ZAN: variants seen among roughly 807,000 people sequenced by gnomAD.
The protein encoded by ZAN is zonadhesin (gene/pseudogene).
Under a neutral mutation model 286.2 loss-of-function variants are expected in ZAN, and 260 were observed. The ratio of observed to expected loss-of-function variants is 0.91; its 90% CI spans 0.82 to 1.01. ZAN has a LOEUF of 1.01. Among genes scored for constraint, ZAN ranks in the 50% least tolerant of loss-of-function variants. ZAN has a pLI of 0.00. For synonymous variants in ZAN, 1,368 were observed against 1,417.5 expected (o/e 0.97, Z 0.79); for missense variants, 3,410 against 3,639.2 (o/e 0.94, Z 1.62).
intron 14 of ZAN, among the ~76,000 whole-genome samples, chr7:100,753,973 C>T (rs145369881): frequency 0.018 from 2,784 of 152,178 alleles, 59 homozygotes; most frequent in Non-Finnish European, 0.027. Context: ...GCAGCCACTC[C>T]CCACTCCGCC....
chr7:100,795,481 A>T, intron 45 of ZAN, 145 bp downstream of exon 45: 1 of 792,350 alleles, frequency 1.3e-6, no homozygotes, highest in Non-Finnish European at 1.6e-6. Flanking sequence ...TAAACATAAC[A>T]ATTTGTAGCT....
At position 100,763,442 on chromosome 7, in the gene ZAN, G is replaced by A. The variant is rs1809730421; in HGVS notation, c.3987-364G>A. On this transcript the variant is annotated intron_variant, in intron 20 of 47. Coordinates refer to ENST00000613979, the MANE Select transcript of ZAN (RefSeq NM_003386.3). This position sits in a 1 kb window ranked among gnomAD's most constrained non-coding sequence, Gnocchi z 4.6. Reference sequence around the variant, plus strand: ...GCTGGAGTGCAGTGGTTCAATCACAGCTCACTGCAGGCTCCAACTCCTGGG... The same window carrying A: ...GCTGGAGTGCAGTGGTTCAATCACAACTCACTGCAGGCTCCAACTCCTGGG... Among the ~76,000 whole-genome samples, 1 of 152,172 alleles carries A rather than the reference G, an allele frequency of 6.6e-6. No individual in the cohort carries two copies. Among genetic ancestry groups the A allele is most frequent in the Non-Finnish European group, 1.5e-5 (1 of 68,036 alleles).
intron 11 of ZAN, among the ~76,000 whole-genome samples, chr7:100,748,734 C>T (rs1298440659): frequency 2.5e-4 from 38 of 152,152 alleles, no homozygotes; most frequent in Non-Finnish European, 2.9e-5. Flanking sequence ...CCCACCACCT[C>T]ATTTTCAGTC....
intron 35 of ZAN, among the ~76,000 whole-genome samples, chr7:100,783,817 CAT>C (rs71837847): frequency 0.53 from 39,063 of 73,960 alleles, 14,582 homozygotes; most frequent in Middle Eastern, 0.81. Context: ...TATATATATA[CAT>C]ATATATATAT....
At chr7:100,755,521 C>A in intron 15 of ZAN, 111 bp downstream of exon 15, 1 of 1,271,238 alleles carries the variant, frequency 7.9e-7, no homozygotes, top group Non-Finnish European at 1.1e-6. Flanking sequence ...CGGATAGTCC[C>A]AAGGGGTCAG....
intron 17 of ZAN, 77 bp from the exon 18 acceptor site, chr7:100,759,644 G>T: frequency 2.1e-6 from 3 of 1,456,896 alleles, no homozygotes; most frequent in Non-Finnish European, 1.8e-6. Flanking sequence ...TCCCTGCGGC[G>T]CCAGGCTCAG....
At chr7:100,774,049 C>T (rs1247113027) in intron 31 of ZAN, among the ~76,000 whole-genome samples, 184 bp downstream of exon 31, 1 of 150,746 alleles carries the variant, frequency 6.6e-6, no homozygotes, top group African/African-American at 2.5e-5. Flanking sequence ...TGGGGCTCAC[C>T]CATCCTTCTC....
chr7:100,787,927 C>A lies in ZAN; in HGVS notation c.7018C>A (p.Leu2340Ile). Reference sequence around the variant, plus strand: ...CTCAGTCTATGGCGACCCCCGTTACCTCACATTTGACGGCTTCAGCTACCG... The same window carrying A: ...CTCAGTCTATGGCGACCCCCGTTACATCACATTTGACGGCTTCAGCTACCG... ...QCSVYGDPRY[L>I]TFDGFSYRLQ... Residue 2340 changes from leucine (L) to isoleucine (I), a missense_variant, in exon 38 of 48, where the codon CTC becomes ATC. Transcript: ENST00000613979. The A allele has an allele frequency of 6.3e-7, 1 of 1,575,690 alleles. No individual in the cohort carries two copies. Among genetic ancestry groups the A allele is most frequent in the Non-Finnish European group, 8.7e-7 (1 of 1,154,084 alleles).
chr7:100,764,063 C>A lies in ZAN; in HGVS notation c.4134C>A (p.Phe1378Leu), dbSNP rs377380617. Residue 1378 changes from phenylalanine (F) to leucine (L), a missense_variant, in exon 22 of 48, where the codon TTC becomes TTA. Around this residue, in one of 7 missense-constraint regions of ZAN, gnomAD observed 1,042 missense variants for 1,058.0 expected, o/e 0.98. Transcript: ENST00000613979. ...TGCACGTGAAGGCCGCTTCCTTCTT[C>A]GACAGCTGCATGCTTGATATGTGCG... ...CLLHVKAASF[F>L]DSCMLDMCGF... 1 of 1,613,872 alleles carries A rather than the reference C, an allele frequency of 6.2e-7. No individual in the cohort carries two copies. Among genetic ancestry groups the A allele is most frequent in the Non-Finnish European group, 8.5e-7 (1 of 1,179,848 alleles).
In ZAN at chr7:100,752,520, T is replaced by G. The variant is rs1371138262; in HGVS notation, c.2415T>G (p.Thr805=). Residue 805 remains threonine, a synonymous_variant, in exon 14 of 48, where the codon ACT becomes ACG. Transcript: ENST00000613979. ...TISTEEPTTP[T]EETTISTEKP... is the part of the protein sequence containing the mutation. ...CCACAGAAGAGCCCACCACCCCCAC[T>G]GAGGAGACCACCATCTCCACAGAAA... 1 of 1,578,660 alleles carries G rather than the reference T, an allele frequency of 6.3e-7. No homozygotes were observed. Among genetic ancestry groups the G allele is most frequent in the South Asian group, 1.1e-5 (1 of 89,858 alleles).
At chr7:100,755,121 C>A in intron 14 of ZAN, 105 bp from the exon 15 acceptor site, 1 of 1,337,188 alleles carries the variant, frequency 7.5e-7, no homozygotes, top group Non-Finnish European at 1.0e-6. Flanking sequence ...ATAATATGGT[C>A]CTGTTTCCTA....
Position 100,734,178 on chromosome 7 carries a change from C to A in ZAN, c.10C>A (p.Pro4Thr), listed in dbSNP as rs1423655701. 6.9e-7 allele frequency: 1 copy of A among 1,458,880 alleles called. No homozygotes were observed. Among genetic ancestry groups the A allele is most frequent in the South Asian group, 1.2e-5 (1 of 82,132 alleles). 90.4% of individuals were successfully genotyped at this position (1,458,880 alleles called of 1,614,324 possible). The change falls in exon 2 of 48, where the codon CCA becomes ACA. Residue 4 changes from proline to threonine, a missense_variant. Pro to Thr is a conservative substitution (Grantham distance 38, BLOSUM62 -1). This residue lies in a region of ZAN where 872 missense variants were observed against 938.9 expected (regional missense o/e 0.93). Transcript: ENST00000613979. Reference sequence around the variant, plus strand: ...ACCACTTAGGGTCCTCATGGTTCCTCCAGTCTGGACTCTGCTGCTTCTGGT... The same window carrying A: ...ACCACTTAGGGTCCTCATGGTTCCTACAGTCTGGACTCTGCTGCTTCTGGT... MVP[P>T]VWTLLLLVGA...
chr7:100,767,787 G>A, intron 25 of ZAN, 44 bp from the exon 26 acceptor site: 3 of 1,583,208 alleles, frequency 1.9e-6, no homozygotes, highest in Non-Finnish European at 2.6e-6. Context: ...TTTATCCCGA[G>A]TTCTTTCCTG....
chr7:100,784,798 G>A lies in ZAN; in HGVS notation c.6798G>A (p.Gln2266=), dbSNP rs376995298. The A allele has an allele frequency of 1.2e-5, 20 of 1,609,322 alleles. No individual in the cohort carries two copies. Among genetic ancestry groups the A allele is most frequent in the Middle Eastern group, 3.3e-4 (2 of 6,046 alleles). Residue 2266 remains glutamine (Q), a synonymous_variant, in exon 36 of 48, where the codon CAG becomes CAA. Transcript: ENST00000613979. ...LSEDKCVPRS[Q]CGCKDAHGGS... ...AAGACAAGTGTGTCCCCAGAAGTCA[G>A]TGTGGCTGCAAGGATGCCCATGGTG...
chr7:100,785,567 G>C (rs1296245779), intron 36 of ZAN, among the ~76,000 whole-genome samples: 5 of 152,028 alleles, frequency 3.3e-5, no homozygotes, highest in Admixed American at 3.3e-4. Context: ...ATGACACTGT[G>C]GCTGCCTCTG....
chr7:100,791,252 C>T (rs1811936794), intron 40 of ZAN, 139 bp downstream of exon 40: 1 of 1,145,782 alleles, frequency 8.7e-7, no homozygotes, highest in South Asian at 1.6e-5. Flanking sequence ...CCAATTCCGT[C>T]ATTCCCTCTC....
intron 10 of ZAN, 41 bp downstream of exon 10, chr7:100,748,256 G>T (rs375888790): frequency 1.9e-6 from 3 of 1,613,744 alleles, no homozygotes; most frequent in African/African-American, 2.7e-5. Flanking sequence ...CTCAGAATCC[G>T]GGGTGGGCTG....
chr7:100,781,048 GTTTAT>G (rs979656630), intron 35 of ZAN, among the ~76,000 whole-genome samples: 6 of 151,926 alleles, frequency 3.9e-5, no homozygotes, highest in Non-Finnish European at 5.9e-5. Context: ...TCATAAGAAG[GTTTAT>G]TTTATTTATT....
chr7:100,765,994 G>T (rs113659265), intron 23 of ZAN, among the ~76,000 whole-genome samples: 42,408 of 140,766 alleles, frequency 0.3, 6,277 homozygotes, highest in South Asian at 0.46. Flanking sequence ...TTTGGTTTTT[G>T]TTTTTTTTTT....
Sources: allele counts gnomAD v4.1 joint callset (sites outside exome capture counted in the v4.1 genomes callset), GRCh38; gene constraint gnomAD v4.1.1; regional missense constraint gnomAD v4.1.1; non-coding constraint Gnocchi (gnomAD v3.1); transcripts MANE v1.5; gene names NCBI Gene and HGNC (gene_info 2026-07-23, HGNC 2026-07-21).